SLC30A8: variants seen among roughly 807,000 people sequenced by gnomAD.
SLC30A8 encodes proton-coupled zinc antiporter SLC30A8.
A neutral mutation model predicts 36.9 loss-of-function variants in SLC30A8; 27 were observed. That is an observed-to-expected ratio of 0.73 (90% CI 0.54 to 1.01). The LOEUF is 1.01. Among genes scored for constraint, SLC30A8 ranks in the 50% least tolerant of loss-of-function variants. SLC30A8 has a pLI of 0.00. For synonymous variants in SLC30A8, 164 were observed against 172.4 expected, an observed-to-expected ratio of 0.95 and a Z score of 0.38; for missense variants, 439 against 452.0, an observed-to-expected ratio of 0.97 and a Z score of 0.26.
chr8:116,961,952 C>T (rs1814439584), intron 1 of SLC30A8, among the ~76,000 whole-genome samples: 1 of 151,952 alleles, frequency 6.6e-6, no homozygotes, highest in Non-Finnish European at 1.5e-5. Flanking sequence ...AACACCGTTG[C>T]ATTAGGGATT....
intron 1 of SLC30A8, among the ~76,000 whole-genome samples, chr8:116,999,800 TC>T (rs1445039653): frequency 6.6e-6 from 1 of 151,876 alleles, no homozygotes; most frequent in Non-Finnish European, 1.5e-5. Flanking sequence ...AGTTAAAGTT[TC>T]ACATTTATAA....
At chr8:117,036,629 G>A (rs967807345) in intron 1 of SLC30A8, among the ~76,000 whole-genome samples, 9 of 152,160 alleles carry the variant, frequency 5.9e-5, no homozygotes, top group African/African-American at 1.7e-4. Flanking sequence ...GAAGTGTGTG[G>A]AGGAGGAACT....
chr8:117,085,227 G>T (rs1818828578), intron 2 of SLC30A8, among the ~76,000 whole-genome samples: 3 of 152,072 alleles, frequency 2.0e-5, no homozygotes, highest in South Asian at 2.1e-4. Context: ...TGACAACTCT[G>T]TTTTTAAGGT....
intron 1 of SLC30A8, among the ~76,000 whole-genome samples, chr8:116,980,613 G>GT (rs1815217542): frequency 6.6e-6 from 1 of 152,174 alleles, no homozygotes; most frequent in African/African-American, 2.4e-5. Context: ...AAGGACAACT[G>GT]TGAGTTATTT....
chr8:116,990,195 C>T (rs1345807425), intron 1 of SLC30A8, among the ~76,000 whole-genome samples: 4 of 151,864 alleles, frequency 2.6e-5, no homozygotes, highest in African/African-American at 9.7e-5. Context: ...GGATTTTTTT[C>T]CCATTTTCCT....
chr8:117,066,295 C>T (rs891586103), intron 2 of SLC30A8, among the ~76,000 whole-genome samples: 7 of 152,190 alleles, frequency 4.6e-5, no homozygotes, highest in African/African-American at 1.2e-4. Flanking sequence ...TCCAAGGAGG[C>T]TCTCACTCTA....
intron 1 of SLC30A8, among the ~76,000 whole-genome samples, chr8:116,969,507 A>G (rs998223280): frequency 1.3e-5 from 2 of 152,172 alleles, no homozygotes; most frequent in Admixed American, 1.3e-4. Context: ...ATTTATCTAT[A>G]TGTACAGGCA....
At chr8:116,969,290 C>T (rs75922230) in intron 1 of SLC30A8, among the ~76,000 whole-genome samples, 1,988 of 152,200 alleles carry the variant, frequency 0.013, 18 homozygotes, top group Middle Eastern at 0.037. Flanking sequence ...TAATGGTACA[C>T]GCCTATAATC....
chr8:117,146,971 A>C lies in SLC30A8; in HGVS notation c.89A>C (p.Lys30Thr), dbSNP rs1474212116. The change falls in exon 2 of 8, where the codon AAA (lysine) becomes ACA (threonine). Residue 30 changes from lysine to threonine, a missense_variant. Physicochemically the swap from Lys to Thr is moderately conservative, Grantham distance 78. Transcript: ENST00000456015. ...FTLESVELQQ[K>T]PVNKDQCPRE... ...ATCCATAGTGTGGAACTCCAACAGA[A>C]ACCGGTGAATAAAGATCAGTGTCCC... The C allele has an allele frequency of 6.2e-7, 1 of 1,613,628 alleles. No homozygotes were observed. The highest frequency in any genetic ancestry group is 2.2e-5 in the East Asian group (1 of 44,862).
intron 6 of SLC30A8, among the ~76,000 whole-genome samples, chr8:117,167,494 CATACATACAT>C (rs149095482): frequency 1.5e-5 from 2 of 137,122 alleles, no homozygotes; most frequent in African/African-American, 6.0e-5. Context: ...TATATATATA[CATACATACAT>C]GTATATGTAT....
At chr8:116,983,004 T>A (rs1482304411) in intron 1 of SLC30A8, among the ~76,000 whole-genome samples, 2 of 152,210 alleles carry the variant, frequency 1.3e-5, no homozygotes, top group Non-Finnish European at 2.9e-5. Flanking sequence ...TCGTATATCA[T>A]TATTTTTATA....
At chr8:116,986,009 T>G (rs1815430372) in intron 1 of SLC30A8, among the ~76,000 whole-genome samples, 1 of 152,210 alleles carries the variant, frequency 6.6e-6, no homozygotes, top group Non-Finnish European at 1.5e-5. Context: ...ACCAGCAACT[T>G]TCCACTTTCT....
At chr8:116,994,558 C>T (rs1723045621) in intron 1 of SLC30A8, among the ~76,000 whole-genome samples, 1 of 152,094 alleles carries the variant, frequency 6.6e-6, no homozygotes, top group Non-Finnish European at 1.5e-5. Flanking sequence ...ATTCTATTTG[C>T]TCATGTTAAG....
At chr8:116,998,601 T>G (rs1815899264) in intron 1 of SLC30A8, among the ~76,000 whole-genome samples, 1 of 151,938 alleles carries the variant, frequency 6.6e-6, no homozygotes, top group Non-Finnish European at 1.5e-5. Context: ...GGGAATAAGG[T>G]CTTTGTAGAT....
Position 117,174,424 on chromosome 8 carries a change from C to T in SLC30A8, c.*1743C>T, listed in dbSNP as rs1823560171. On this transcript the variant is annotated 3_prime_UTR_variant, in exon 8 of 8. Transcript: ENST00000456015. The stretch of plus-strand genomic sequence containing the variant: ...ACTACTTAGCATTCTGCTGAGCTTT[C>T]CCTGCTCAGTAGAGACAAATATACT... 6.6e-6 allele frequency: 1 copy of T among 152,570 alleles called. No homozygotes were observed. Among genetic ancestry groups the T allele is most frequent in the Admixed American group, 6.5e-5 (1 of 15,268 alleles). The allele number at this position is 152,570 out of a possible 1,614,324, so 9.5% of individuals were successfully genotyped here. A position where few individuals can be genotyped will look rare whatever the true frequency, so the allele number is the denominator to read the frequency against.
rs554912666 is a variant in SLC30A8 at position 117,054,272 on chromosome 8, A to AT, written c.-226+15023dup. 2.0e-3 allele frequency among the ~76,000 whole-genome samples: 307 copies of AT among 150,974 alleles called. 1 individual carries two copies. The highest frequency in any genetic ancestry group is 3.6e-3 in the Non-Finnish European group (247 of 67,708). On this transcript the variant is annotated intron_variant, in intron 2 of 10. Coordinates refer to the SLC30A8 transcript ENST00000427715. ...TGGTACCGCACCTGGCTATTTTTAAATTTTTTTTTGTAGAAACAGGGTCTT... is the reference window on the plus strand; with the variant it reads ...TGGTACCGCACCTGGCTATTTTTAAATTTTTTTTTTGTAGAAACAGGGTCTT...
chr8:116,985,184 CCTTTA>C (rs775790887), intron 1 of SLC30A8, among the ~76,000 whole-genome samples: 5 of 151,364 alleles, frequency 3.3e-5, no homozygotes, highest in Non-Finnish European at 5.9e-5. Context: ...AAAAAATTTG[CCTTTA>C]CTTCTTCCAC....
At chr8:116,952,400 A>C (rs1272291448) in intron 1 of SLC30A8, among the ~76,000 whole-genome samples, 4 of 152,214 alleles carry the variant, frequency 2.6e-5, no homozygotes, top group Admixed American at 2.6e-4. Flanking sequence ...AAAAATTATC[A>C]GTCCCTTGAA....
Position 117,146,742 on chromosome 8 carries a change from T to TA in SLC30A8, c.72-208dup, listed in dbSNP as rs142695311. 6,339 of 1,233,798 alleles carry TA rather than the reference T, an allele frequency of 5.1e-3. 226 individuals carry two copies. In the African/African-American group the frequency reaches 0.083, roughly 16 times the overall value. The allele number at this position is 1,233,798 out of a possible 1,614,324, so 76.4% of individuals were successfully genotyped here. On this transcript the variant is annotated intron_variant, in intron 1 of 7. Coordinates refer to ENST00000456015, the MANE Select transcript of SLC30A8 (RefSeq NM_173851.3). ...TTGACTGAATAAGAGTTTGACTGAATAAAAGTAAAACTTTTAGTAGTTGAA... is the reference window on the plus strand; with the variant it reads ...TTGACTGAATAAGAGTTTGACTGAATAAAAAGTAAAACTTTTAGTAGTTGAA...
Sources: gnomAD v4.1 joint callset for allele counts (sites outside exome capture counted in the v4.1 genomes callset) on GRCh38, gnomAD v4.1.1 for gene constraint, MANE v1.5 for transcripts, NCBI Gene and HGNC (gene_info 2026-07-23, HGNC 2026-07-21) for gene names.